Variants in KANSL1 observed in about 807,000 individuals in gnomAD.
KANSL1 encodes the protein KAT8 regulatory NSL complex subunit 1.
KANSL1 carries 22 observed loss-of-function variants against 103.6 expected under a neutral mutation model. The observed-to-expected ratio is 0.21, with a 90% CI of 0.15 to 0.30. The LOEUF (loss-of-function observed/expected upper bound fraction) is 0.30, where lower values mean the gene tolerates loss of function less well. Ranked by LOEUF, KANSL1 falls within the 10% of genes least tolerant of loss-of-function variation. KANSL1 has a pLI of 1.00. For synonymous variants in KANSL1, 600 were observed against 527.6 expected, an observed-to-expected ratio of 1.14 and a Z score of -1.88; for missense variants, 1,337 against 1,399.8, an observed-to-expected ratio of 0.96 and a Z score of 0.72.
chr17:46,120,752 T>C (rs1014289495), intron 2 of KANSL1, among the ~76,000 whole-genome samples: 4 of 152,242 alleles, frequency 2.6e-5, no homozygotes, highest in Non-Finnish European at 5.9e-5. Context: ...TGCATATTCT[T>C]ATTAACCAAA....
chr17:46,155,967 T>C (rs1254705665), intron 2 of KANSL1, among the ~76,000 whole-genome samples: 1 of 152,204 alleles, frequency 6.6e-6, no homozygotes, highest in African/African-American at 2.4e-5. Flanking sequence ...CAATCCTTTC[T>C]TGTGATAGCT....
intron 2 of KANSL1, among the ~76,000 whole-genome samples, chr17:46,117,319 A>G (rs2043087129): frequency 6.6e-6 from 1 of 152,262 alleles, no homozygotes. Flanking sequence ...GCCATTCCTT[A>G]AAAGCTGCCA....
intron 4 of KANSL1, among the ~76,000 whole-genome samples, chr17:46,073,268 T>G (rs1040123811): frequency 2.0e-5 from 3 of 152,248 alleles, no homozygotes; most frequent in African/African-American, 7.2e-5. Context: ...ATAGTACACT[T>G]GTTTTTCTCA....
In KANSL1 at chr17:46,094,545, A is replaced by G. The variant is rs755098090; in HGVS notation, c.1431+15T>C. 3 of 1,604,686 alleles carry G rather than the reference A, an allele frequency of 1.9e-6. No homozygotes were observed. The South Asian group carries it at 3.3e-5, about 18-fold the overall frequency. On this transcript the variant is annotated intron_variant, in intron 3 of 14. Transcript: ENST00000432791. ...TTTCGGCAGCATTTAAAAACATCAG[A>G]TACTTATCCCTTACCTTATTAGCAC... is the stretch of plus-strand genomic sequence containing the variant.
chr17:46,078,159 G>A (rs1207525716), intron 4 of KANSL1, among the ~76,000 whole-genome samples: 1 of 152,206 alleles, frequency 6.6e-6, no homozygotes, highest in East Asian at 1.9e-4. Context: ...GCATAGTGGA[G>A]TCTATTTTGG....
chr17:46,150,009 G>A (rs59563774), intron 2 of KANSL1, among the ~76,000 whole-genome samples: 7,920 of 145,260 alleles, frequency 0.055, 724 homozygotes, highest in African/African-American at 0.19. Context: ...GCAACAGTGC[G>A]AGACTCCATC....
intron 1 of KANSL1, among the ~76,000 whole-genome samples, chr17:46,218,534 G>A (rs1286270877): frequency 2.6e-5 from 4 of 152,246 alleles, no homozygotes; most frequent in African/African-American, 4.8e-5. Flanking sequence ...TGTAATCCCA[G>A]CACTTTGGGA....
chr17:46,092,494 T>A (rs2079435755), intron 3 of KANSL1, among the ~76,000 whole-genome samples: 1 of 152,162 alleles, frequency 6.6e-6, no homozygotes, highest in Non-Finnish European at 1.5e-5. Flanking sequence ...AAGATATTTA[T>A]CATGGCATAT....
intron 2 of KANSL1, among the ~76,000 whole-genome samples, chr17:46,113,230 C>T (rs972724359): frequency 1.3e-5 from 2 of 152,194 alleles, no homozygotes; most frequent in Non-Finnish European, 2.9e-5. Flanking sequence ...AGAAACCTTG[C>T]TGTATATGAA....
At chr17:46,058,598 G>C (rs1439503125) in intron 6 of KANSL1, among the ~76,000 whole-genome samples, 2 of 152,100 alleles carry the variant, frequency 1.3e-5, no homozygotes, top group Non-Finnish European at 1.5e-5. Flanking sequence ...AAGAAAGTAG[G>C]CTGTGGGAAA....
intron 6 of KANSL1, among the ~76,000 whole-genome samples, chr17:46,057,394 C>T (rs2146551959): frequency 6.6e-6 from 1 of 151,832 alleles, no homozygotes; most frequent in South Asian, 2.1e-4. Context: ...CAAACTGTAC[C>T]TCAGGGTAAA....
At chr17:46,187,075 A>G (rs2047070413) in intron 1 of KANSL1, among the ~76,000 whole-genome samples, 1 of 152,106 alleles carries the variant, frequency 6.6e-6, no homozygotes, top group Non-Finnish European at 1.5e-5. Context: ...ACTAGAAACC[A>G]GAAACTAGCT....
intron 3 of KANSL1, among the ~76,000 whole-genome samples, chr17:46,089,675 T>C (rs927790531): frequency 6.6e-6 from 1 of 151,768 alleles, no homozygotes; most frequent in Admixed American, 6.6e-5. Flanking sequence ...AAAAACTTTC[T>C]TCCATTTCAG....
At chr17:46,215,989 G>A (rs1021429178) in intron 1 of KANSL1, among the ~76,000 whole-genome samples, 2 of 152,188 alleles carry the variant, frequency 1.3e-5, no homozygotes, top group Middle Eastern at 3.2e-3. Context: ...GCCGTGAGCC[G>A]AGACCGTGCC....
At position 46,116,252 on chromosome 17, in the gene KANSL1, G is replaced by A. The variant is rs548126115; in HGVS notation, c.1290-21551C>T. Among the ~76,000 whole-genome samples, 34 of 152,232 alleles carry A rather than the reference G, an allele frequency of 2.2e-4. No individual in the cohort carries two copies. The Middle Eastern group carries it at 0.014, about 61-fold the overall frequency. ...TACAGTCAAAAAAAACCATTACTGC[G>A]GGGCGCAGTGGCTCACGCCTGTAAT... On this transcript the variant is annotated intron_variant, in intron 2 of 14. Transcript: ENST00000432791.
intron 2 of KANSL1, among the ~76,000 whole-genome samples, chr17:46,115,890 G>A (rs578068009): frequency 2.0e-5 from 3 of 152,318 alleles, no homozygotes; most frequent in South Asian, 4.1e-4. Context: ...CATAACTGCT[G>A]GACAGTAAGT....
intron 1 of KANSL1, among the ~76,000 whole-genome samples, chr17:46,188,894 G>A (rs1323679785): frequency 2.0e-5 from 3 of 151,868 alleles, no homozygotes; most frequent in Non-Finnish European, 4.4e-5. Flanking sequence ...TTAGCCAGGC[G>A]TGGTGGTGGG....
At chr17:46,045,192 T>G (rs1486056994) in intron 7 of KANSL1, 1 of 152,124 alleles carries the variant, frequency 6.6e-6, no homozygotes, top group Non-Finnish European at 1.5e-5. Flanking sequence ...ATCCCAAGAC[T>G]TCAGGGGGTG....
chr17:46,171,626 G>A lies in KANSL1; in HGVS notation c.518C>T (p.Ser173Phe), dbSNP rs750012482. 30 of 1,570,630 alleles carry A rather than the reference G, an allele frequency of 1.9e-5. No individual in the cohort carries two copies. Among genetic ancestry groups the A allele is most frequent in the African/African-American group, 9.6e-5 (7 of 72,824 alleles). Residue 173 changes from serine to phenylalanine, a missense_variant, in exon 2 of 15, where the codon TCC (serine) becomes TTC (phenylalanine). Around this residue, in one of 2 missense-constraint regions of KANSL1, gnomAD observed 557 missense variants for 476.4 expected, o/e 1.17. Coordinates refer to ENST00000432791, the MANE Select transcript of KANSL1 (RefSeq NM_015443.4). ...CCGTTTTCCCCCATTGAGGGAAGTG[G>A]AATTGTCATGATCAGAATGTGTTGA... is the stretch of plus-strand genomic sequence containing the variant. ...KSSTHSDHDNSTSLNGGKRAL... is the reference protein window; with the variant it reads ...KSSTHSDHDNFTSLNGGKRAL...
Sources: gnomAD v4.1 joint callset for allele counts (sites outside exome capture counted in the v4.1 genomes callset) on GRCh38, gnomAD v4.1.1 for gene constraint, gnomAD v4.1.1 regional missense constraint, MANE v1.5 for transcripts, NCBI Gene and HGNC (gene_info 2026-07-23, HGNC 2026-07-21) for gene names.